The following DLC1 variants were observed in gnomAD, a reference collection of about 807,000 sequenced individuals.
DLC1 encodes the protein DLC1 Rho GTPase activating protein.
Under a neutral mutation model 140.3 loss-of-function variants are expected in DLC1, and 54 were observed. The ratio of observed to expected loss-of-function variants is 0.38; its 90% CI spans 0.31 to 0.48. The LOEUF is 0.48. DLC1 is among the 20% of genes least tolerant of loss of function. The pLI, the probability that DLC1 is intolerant of heterozygous loss-of-function variation, is 0.96. For synonymous variants in DLC1, 986 were observed against 728.1 expected (o/e 1.35, Z -5.70); for missense variants, 2,536 against 1,907.0 (o/e 1.33, Z -6.14).
intron 1 of DLC1, among the ~76,000 whole-genome samples, chr8:13,580,538 A>G (rs991794768): frequency 1.3e-5 from 2 of 152,126 alleles, no homozygotes; most frequent in Non-Finnish European, 2.9e-5. Context: ...GGTGGGGGTC[A>G]TTGCCTGGAC....
intron 1 of DLC1, among the ~76,000 whole-genome samples, chr8:13,573,139 T>A (rs7816589): frequency 6.6e-6 from 1 of 152,168 alleles, no homozygotes; most frequent in African/African-American, 2.4e-5. Context: ...AAATTTATTT[T>A]GTCAGTGTTT....
intron 2 of DLC1, among the ~76,000 whole-genome samples, chr8:13,471,483 G>A (rs1432565411): frequency 7.2e-6 from 1 of 139,126 alleles, no homozygotes; most frequent in Non-Finnish European, 1.5e-5. Flanking sequence ...AAGGAAGGAA[G>A]GAAGGAAGGG....
intron 5 of DLC1, among the ~76,000 whole-genome samples, chr8:13,261,911 C>T (rs949341361): frequency 6.6e-6 from 1 of 152,134 alleles, no homozygotes; most frequent in African/African-American, 2.4e-5. Context: ...AGTTATTAAG[C>T]ATTAAATAAT....
intron 5 of DLC1, among the ~76,000 whole-genome samples, chr8:13,259,852 T>C (rs1401460323): frequency 2.0e-5 from 3 of 151,756 alleles, no homozygotes; most frequent in Non-Finnish European, 4.4e-5. Context: ...AAGGCTAAAA[T>C]ATGAAATAGC....
At chr8:13,454,295 T>A (rs1799290602) in intron 2 of DLC1, among the ~76,000 whole-genome samples, 1 of 152,188 alleles carries the variant, frequency 6.6e-6, no homozygotes, top group South Asian at 2.1e-4. Flanking sequence ...AAGAAGCAGT[T>A]GGAAAAAAAT....
At chr8:13,276,390 G>GGGTC in intron 5 of DLC1, 2 of 1,500,092 alleles carry the variant, frequency 1.3e-6, no homozygotes, top group Non-Finnish European at 1.8e-6. Flanking sequence ...GTGGGCCTTG[G>GGGTC]GGTCCCCCAT....
intron 5 of DLC1, among the ~76,000 whole-genome samples, chr8:13,166,843 G>A (rs1328394503): frequency 6.6e-6 from 1 of 152,190 alleles, no homozygotes; most frequent in African/African-American, 2.4e-5. Context: ...GACCTAGGTG[G>A]GGCCTGAGAG....
chr8:13,412,561 T>C (rs1335733214), intron 2 of DLC1, among the ~76,000 whole-genome samples: 1 of 152,158 alleles, frequency 6.6e-6, no homozygotes, highest in Non-Finnish European at 1.5e-5. Flanking sequence ...TGGATCACAA[T>C]GCAGTAGTTG....
At chr8:13,535,565 G>T (rs541802995) in intron 1 of DLC1, among the ~76,000 whole-genome samples, 1 of 150,596 alleles carries the variant, frequency 6.6e-6, no homozygotes, top group Non-Finnish European at 1.5e-5. Flanking sequence ...TCTTCATAAA[G>T]TGAGCCTCAG....
chr8:13,450,936 G>A (rs1267699560), intron 2 of DLC1, among the ~76,000 whole-genome samples: 1 of 149,534 alleles, frequency 6.7e-6, no homozygotes, highest in Non-Finnish European at 1.5e-5. Flanking sequence ...CTACTCTGGA[G>A]GCTGAGGCAG....
rs1025144801 is a variant in DLC1 at position 13,428,634 on chromosome 8, G to A, written c.1024-27015C>T. Among the ~76,000 whole-genome samples, 10 of 152,066 alleles carry A rather than the reference G, an allele frequency of 6.6e-5. No homozygotes were observed. The South Asian group carries it at 2.1e-3, about 32-fold the overall frequency. ...GCTGCTCCAGGGTGACTTGAGTTCAGAAGAAAAGATATGCCTCGGGAGATT... is the reference window on the plus strand; with the variant it reads ...GCTGCTCCAGGGTGACTTGAGTTCAAAAGAAAAGATATGCCTCGGGAGATT... On this transcript the variant is annotated intron_variant, in intron 2 of 17. Coordinates refer to ENST00000276297, the MANE Select transcript of DLC1 (RefSeq NM_182643.3).
At chr8:13,305,915 T>G (rs938486929) in intron 4 of DLC1, among the ~76,000 whole-genome samples, 2 of 152,188 alleles carry the variant, frequency 1.3e-5, no homozygotes, top group Admixed American at 6.6e-5. Flanking sequence ...GTAGTTAACA[T>G]TTTCTGGTCC....
chr8:13,485,220 T>C (rs1800913453), intron 2 of DLC1, among the ~76,000 whole-genome samples: 2 of 152,190 alleles, frequency 1.3e-5, no homozygotes, highest in African/African-American at 4.8e-5. Flanking sequence ...CTGACTTTTA[T>C]TTTTCTTTCC....
chr8:13,244,300 T>G (rs968634577), intron 5 of DLC1, among the ~76,000 whole-genome samples: 1 of 104,588 alleles, frequency 9.6e-6, no homozygotes, highest in Non-Finnish European at 2.1e-5. Context: ...CTTTCCAATT[T>G]TTTTTTTTTT....
At chr8:13,477,292 C>T (rs940933899) in intron 2 of DLC1, among the ~76,000 whole-genome samples, 1 of 152,124 alleles carries the variant, frequency 6.6e-6, no homozygotes, top group Non-Finnish European at 1.5e-5. Flanking sequence ...GAAGATGTAG[C>T]TTTGGTAATT....
At chr8:13,596,383 G>A (rs945883292) in intron 1 of DLC1, among the ~76,000 whole-genome samples, 1 of 151,942 alleles carries the variant, frequency 6.6e-6, no homozygotes, top group Non-Finnish European at 1.5e-5. Context: ...TGAAGAAACA[G>A]ACTTCAGCCT....
At chr8:13,511,094 C>T (rs1802342107) in intron 1 of DLC1, among the ~76,000 whole-genome samples, 1 of 151,860 alleles carries the variant, frequency 6.6e-6, no homozygotes. Flanking sequence ...ATAAAAGAAA[C>T]ACTAATTGAG....
chr8:13,174,252 A>T (rs1490283162), intron 5 of DLC1, among the ~76,000 whole-genome samples: 2 of 152,100 alleles, frequency 1.3e-5, no homozygotes, highest in African/African-American at 4.8e-5. Flanking sequence ...CATTTTCTTT[A>T]TCCAACCCAC....
At chr8:13,568,177 G>A (rs1327180056) in intron 1 of DLC1, 3 of 484,268 alleles carry the variant, frequency 6.2e-6, no homozygotes, top group Non-Finnish European at 1.1e-5. Context: ...GGATGTTGAT[G>A]GTACAGAAGC....
Sources: gnomAD v4.1 joint callset for allele counts (sites outside exome capture counted in the v4.1 genomes callset) on GRCh38, gnomAD v4.1.1 for gene constraint, MANE v1.5 for transcripts, NCBI Gene and HGNC (gene_info 2026-07-23, HGNC 2026-07-21) for gene names.